Variants in REEP1 observed in about 807,000 individuals in gnomAD.
REEP1 encodes the protein receptor expression-enhancing protein 1.
In REEP1, 22 loss-of-function variants were observed where a neutral mutation model predicts 40.3. The observed-to-expected ratio is 0.55, with a 90% CI of 0.39 to 0.78. The LOEUF (loss-of-function observed/expected upper bound fraction) is 0.78. Among genes scored for constraint, REEP1 ranks in the 30% least tolerant of loss-of-function variants. REEP1 has a pLI of 0.00. For synonymous variants in REEP1, 116 were observed against 139.2 expected, an observed-to-expected ratio of 0.83 and a Z score of 1.17; for missense variants, 280 against 361.1, an observed-to-expected ratio of 0.78 and a Z score of 1.82.
rs146231587 is a variant in REEP1, at chr2:86,334,266, T to C, written c.32+3213A>G. Among the ~76,000 whole-genome samples the C allele has an allele frequency of 4.2e-3, 646 of 152,302 alleles. 3 individuals are homozygous for C. The highest frequency in any genetic ancestry group is 6.8e-3 in the Middle Eastern group (2 of 294). On this transcript the variant is annotated intron_variant, in intron 1 of 8. Coordinates refer to ENST00000538924, the MANE Select transcript of REEP1 (RefSeq NM_001371279.1). ...TGTTGTGATACCTCTGGTCGGATGGTTGGGACCACACAAAGACAGGAAGAC... is the reference window on the plus strand; with the variant it reads ...TGTTGTGATACCTCTGGTCGGATGGCTGGGACCACACAAAGACAGGAAGAC...
intron 5 of REEP1, among the ~76,000 whole-genome samples, chr2:86,240,665 G>A (rs567272696): frequency 6.6e-6 from 1 of 152,148 alleles, no homozygotes; most frequent in Admixed American, 6.5e-5. Flanking sequence ...GCCTAAACTT[G>A]GTTTTTGACA....
chr2:86,292,163 A>G (rs1314161459), intron 1 of REEP1, among the ~76,000 whole-genome samples: 1 of 152,026 alleles, frequency 6.6e-6, no homozygotes, highest in Non-Finnish European at 1.5e-5. Context: ...CTTCTTAACT[A>G]CTCTGAACCA....
intron 1 of REEP1, among the ~76,000 whole-genome samples, chr2:86,326,992 G>C (rs1269908884): frequency 6.6e-6 from 1 of 152,210 alleles, no homozygotes; most frequent in African/African-American, 2.4e-5. Flanking sequence ...AATCGGGCTA[G>C]TGATTTTGAC....
At chr2:86,289,601 T>A (rs769115673) in intron 1 of REEP1, among the ~76,000 whole-genome samples, 1 of 152,206 alleles carries the variant, frequency 6.6e-6, no homozygotes, top group Non-Finnish European at 1.5e-5. Context: ...TGATTGGAAT[T>A]TCACTGTATT....
At chr2:86,297,174 C>G (rs145016288) in intron 1 of REEP1, among the ~76,000 whole-genome samples, 5 of 152,194 alleles carry the variant, frequency 3.3e-5, no homozygotes, top group Admixed American at 6.5e-5. Flanking sequence ...CTGGCCAGCA[C>G]TTGTGACGAG....
At chr2:86,280,043 C>T (rs762026794) in intron 2 of REEP1, 6 of 456,244 alleles carry the variant, frequency 1.3e-5, no homozygotes, top group Non-Finnish European at 2.6e-5. Context: ...ATTATTCAGG[C>T]GACAGGGATG....
intron 7 of REEP1, among the ~76,000 whole-genome samples, chr2:86,224,734 G>A (rs1674598081): frequency 6.6e-6 from 1 of 152,214 alleles, no homozygotes; most frequent in Non-Finnish European, 1.5e-5. Flanking sequence ...CTTGGACACT[G>A]AATCCTGGAC....
intron 2 of REEP1, among the ~76,000 whole-genome samples, chr2:86,273,741 G>A (rs1677592655): frequency 6.6e-6 from 1 of 152,112 alleles, no homozygotes; most frequent in Admixed American, 6.5e-5. Flanking sequence ...ACCTCCTCTA[G>A]GACATACCCG....
intron 3 of REEP1, among the ~76,000 whole-genome samples, chr2:86,255,522 C>G (rs1426892685): frequency 2.0e-5 from 3 of 152,162 alleles, no homozygotes; most frequent in South Asian, 2.1e-4. Context: ...TTTGTCCCCC[C>G]ACAGGCAGGC....
At chr2:86,281,773 T>C (rs1678107367) in intron 2 of REEP1, among the ~76,000 whole-genome samples, 1 of 152,134 alleles carries the variant, frequency 6.6e-6, no homozygotes, top group African/African-American at 2.4e-5. Context: ...CAAACCCAGG[T>C]CTGCCAGACT....
intron 2 of REEP1, among the ~76,000 whole-genome samples, chr2:86,278,971 T>C (rs1184589677): frequency 1.3e-5 from 2 of 152,256 alleles, no homozygotes; most frequent in African/African-American, 4.8e-5. Context: ...TATAAATGTC[T>C]TGAGCAATGT....
chr2:86,286,566 A>G (rs1341721331), intron 1 of REEP1, among the ~76,000 whole-genome samples: 5 of 152,350 alleles, frequency 3.3e-5, no homozygotes, highest in Non-Finnish European at 7.4e-5. Flanking sequence ...AGCTCAAAAA[A>G]TGTCCAGTGT....
chr2:86,225,553 G>A (rs1573993291), intron 7 of REEP1, among the ~76,000 whole-genome samples: 1 of 152,204 alleles, frequency 6.6e-6, no homozygotes, highest in South Asian at 2.1e-4. Flanking sequence ...TTACAGGTGT[G>A]AGCCACTGCG....
chr2:86,318,503 A>G (rs1680137443), intron 1 of REEP1, among the ~76,000 whole-genome samples: 1 of 151,180 alleles, frequency 6.6e-6, no homozygotes, highest in Non-Finnish European at 1.5e-5. Context: ...GGTTCAAGCA[A>G]TTCTCTGCCT....
chr2:86,224,742 G>T (rs1674598710), intron 7 of REEP1, among the ~76,000 whole-genome samples: 1 of 152,210 alleles, frequency 6.6e-6, no homozygotes, highest in African/African-American at 2.4e-5. Context: ...CTGAATCCTG[G>T]ACACACTCTT....
chr2:86,232,797 C>T lies in REEP1; in HGVS notation c.423G>A (p.Gln141=). 1 of 1,600,792 alleles carries T rather than the reference C, an allele frequency of 6.2e-7. No homozygotes were observed. Among genetic ancestry groups the T allele is most frequent in the Non-Finnish European group, 8.5e-7 (1 of 1,179,894 alleles). ...TCCGCAGTCTCTCCGATAAGGCACC[C>T]TGTCCCTGGATACAACACAGGAGGG... ...TAAVMAASKG[Q]GALSERLRSF... is the part of the protein sequence containing the mutation. The change falls in exon 6 of 9, where the codon CAG becomes CAA. Residue 141 remains glutamine, a synonymous_variant. Transcript: ENST00000538924.
At chr2:86,333,159 T>C (rs1006675417) in intron 1 of REEP1, among the ~76,000 whole-genome samples, 2 of 152,382 alleles carry the variant, frequency 1.3e-5, no homozygotes, top group South Asian at 2.1e-4. Context: ...ATCAGTTTCC[T>C]GCATGCCACA....
chr2:86,308,376 T>C (rs1442301848), intron 1 of REEP1, among the ~76,000 whole-genome samples: 1 of 86,302 alleles, frequency 1.2e-5, no homozygotes, highest in African/African-American at 3.9e-5. Context: ...ACTCCATTTC[T>C]ACTAAAAATA....
intron 1 of REEP1, among the ~76,000 whole-genome samples, chr2:86,286,070 T>C (rs923220318): frequency 5.3e-5 from 8 of 151,738 alleles, no homozygotes; most frequent in Non-Finnish European, 8.8e-5. Flanking sequence ...AAGCCCCGAC[T>C]CTGTGTAAAG....
Sources: gnomAD v4.1 joint callset for allele counts (sites outside exome capture counted in the v4.1 genomes callset) on GRCh38, gnomAD v4.1.1 for gene constraint, MANE v1.5 for transcripts, NCBI Gene and HGNC (gene_info 2026-07-23, HGNC 2026-07-21) for gene names.